Variants in NSD1 observed in about 807,000 individuals in gnomAD.
The protein encoded by NSD1 is histone-lysine N-methyltransferase, H3 lysine-36 specific.
A neutral mutation model predicts 242.7 loss-of-function variants in NSD1; 26 were observed. That is an observed-to-expected ratio of 0.11 (90% confidence interval 0.08 to 0.15). The LOEUF is 0.15. Among genes scored for constraint, NSD1 ranks in the 10% least tolerant of loss-of-function variants. NSD1 has a pLI of 1.00. For missense variants in NSD1, 2,495 were observed against 3,272.8 expected (o/e 0.76, Z 5.80); for synonymous variants, 1,106 against 1,178.1 (o/e 0.94, Z 1.25).
chr5:177,213,352 T>G (rs1017844711), intron 5 of NSD1, among the ~76,000 whole-genome samples: 5 of 152,272 alleles, frequency 3.3e-5, no homozygotes, highest in African/African-American at 1.2e-4. Flanking sequence ...CGTTTTTAAT[T>G]GAGTGGTTTG....
At chr5:177,264,589 A>G (rs943832113) in intron 14 of NSD1, among the ~76,000 whole-genome samples, 1 of 152,206 alleles carries the variant, frequency 6.6e-6, no homozygotes, top group Non-Finnish European at 1.5e-5. Context: ...GAGCTTCACT[A>G]TACAATACAG....
intron 8 of NSD1, 21 bp downstream of exon 8, chr5:177,239,886 C>T: frequency 6.9e-7 from 1 of 1,440,864 alleles, no homozygotes; most frequent in East Asian, 2.3e-5. Flanking sequence ...TTTGTAAGTT[C>T]TAAAAGAAAT....
In NSD1 at chr5:177,298,729, G is replaced by A. The variant is rs181962298; in HGVS notation, c.*3270G>A. 4 of 233,208 alleles carry A rather than the reference G, an allele frequency of 1.7e-5. No individual in the cohort carries two copies. The highest frequency in any genetic ancestry group is 6.0e-5 in the East Asian group (1 of 16,590). 14.4% of individuals were successfully genotyped at this position (233,208 alleles called of 1,614,324 possible). A position where few individuals can be genotyped will look rare whatever the true frequency, so the allele number is the denominator to read the frequency against. ...TCGGCACTGTCTGCTCACTGGAGCCGGACTCCCAGGTTGTAATTCTAATGT... is the reference window on the plus strand; with the variant it reads ...TCGGCACTGTCTGCTCACTGGAGCCAGACTCCCAGGTTGTAATTCTAATGT... On this transcript the variant is annotated 3_prime_UTR_variant, in exon 23 of 23. Transcript: ENST00000439151.
At chr5:177,287,848 T>A (rs1759458708) in intron 20 of NSD1, among the ~76,000 whole-genome samples, 4 of 152,166 alleles carry the variant, frequency 2.6e-5, no homozygotes, top group African/African-American at 9.7e-5. Flanking sequence ...TAGCTGCTGG[T>A]ATTGTGAACA....
In NSD1 at chr5:177,158,981, CAT is replaced by C. The variant is rs1410645049; in HGVS notation, c.927+22958_927+22959del. ...ATATATACACACACATATATACACA[CAT>C]ATATATGAATGATTTTATATATATA... is the stretch of plus-strand genomic sequence containing the variant. On this transcript the variant is annotated intron_variant, in intron 2 of 22. Transcript: ENST00000439151. Among the ~76,000 whole-genome samples the C allele has an allele frequency of 3.4e-3, 413 of 121,582 alleles. 4 individuals carry two copies. The highest frequency in any genetic ancestry group is 5.5e-3 in the African/African-American group (114 of 20,772). 79.8% of individuals were successfully genotyped at this position (121,582 alleles called of 152,430 possible). A position where few individuals can be genotyped will look rare whatever the true frequency, so the allele number is the denominator to read the frequency against.
intron 2 of NSD1, among the ~76,000 whole-genome samples, chr5:177,169,191 T>C (rs1759483046): frequency 6.6e-6 from 1 of 152,190 alleles, no homozygotes; most frequent in Non-Finnish European, 1.5e-5. Context: ...GTTTGGGAAG[T>C]GCTTTGGAGC....
Position 177,210,451 on chromosome 5 carries a change from A to C in NSD1, c.2052A>C (p.Ile684=). Residue 684 remains isoleucine, a synonymous_variant, in exon 5 of 23, where the codon ATA becomes ATC. Coordinates refer to ENST00000439151, the MANE Select transcript of NSD1 (RefSeq NM_022455.5). Reference sequence around the variant, plus strand: ...TATCTATGCAGAAAAATGAAAAGATAAAGTATTCTAGGTTTGCTGCCACAA... The same window carrying C: ...TATCTATGCAGAAAAATGAAAAGATCAAGTATTCTAGGTTTGCTGCCACAA... The part of the protein sequence containing the change: ...NMLSMQKNEK[I]KYSRFAATNT... The C allele has an allele frequency of 6.2e-7, 1 of 1,614,224 alleles. No homozygotes were observed. The highest frequency in any genetic ancestry group is 1.3e-5 in the African/African-American group (1 of 75,064).
chr5:177,198,719 C>T (rs896831103), intron 3 of NSD1, among the ~76,000 whole-genome samples: 3 of 152,132 alleles, frequency 2.0e-5, no homozygotes, highest in Non-Finnish European at 4.4e-5. Flanking sequence ...TCTTGAATGA[C>T]AGTCTTACTA....
At chr5:177,265,107 AAG>A in intron 14 of NSD1, 1 of 752,196 alleles carries the variant, frequency 1.3e-6, no homozygotes. Context: ...TGATCAGAAA[AAG>A]AAGCCAAAGA....
chr5:177,195,394 G>A (rs1022183231), intron 3 of NSD1, among the ~76,000 whole-genome samples: 2 of 152,032 alleles, frequency 1.3e-5, no homozygotes, highest in African/African-American at 4.8e-5. Context: ...AGAAAACTCT[G>A]AGTCCTTCTT....
At chr5:177,199,368 C>G (rs1581274316) in intron 3 of NSD1, among the ~76,000 whole-genome samples, 1 of 152,280 alleles carries the variant, frequency 6.6e-6, no homozygotes, top group African/African-American at 2.4e-5. Flanking sequence ...TGTGATTCTC[C>G]TGCCTCAGCC....
chr5:177,178,689 C>T (rs934163510), intron 2 of NSD1, among the ~76,000 whole-genome samples: 5 of 152,152 alleles, frequency 3.3e-5, no homozygotes, highest in Admixed American at 6.6e-5. Context: ...ACTGCATCCT[C>T]GACCTCCTCG....
At position 177,176,668 on chromosome 5, in the gene NSD1, A is replaced by G. The variant is rs556553601; in HGVS notation, c.928-15216A>G. ...TCTGCATTTACCAGAAATCTGTAAA[A>G]TCTGGTTATGTCATTACTTTTCCTG... On this transcript the variant is annotated intron_variant, in intron 2 of 22. Coordinates refer to ENST00000439151, the MANE Select transcript of NSD1 (RefSeq NM_022455.5). Among the ~76,000 whole-genome samples, 132 of 152,330 alleles carry G rather than the reference A, an allele frequency of 8.7e-4. No individual in the cohort carries two copies. In the South Asian group the frequency reaches 0.014, roughly 16 times the overall value.
At chr5:177,244,296 C>A in intron 9 of NSD1, 26 bp downstream of exon 9, 2 of 1,502,460 alleles carry the variant, frequency 1.3e-6, no homozygotes, top group Non-Finnish European at 1.9e-6. Flanking sequence ...ATTTAAAAAA[C>A]GTAATGCAGT....
At chr5:177,227,055 G>A (rs954891185) in intron 5 of NSD1, among the ~76,000 whole-genome samples, 10 of 152,122 alleles carry the variant, frequency 6.6e-5, no homozygotes, top group African/African-American at 2.4e-4. Context: ...AAAATATCCC[G>A]TTAGAGATAC....
rs121908068 is a variant in NSD1 at position 177,292,124 on chromosome 5, C to T, written c.6429C>T (p.His2143=). 1.4e-4 allele frequency: 218 copies of T among 1,614,184 alleles called. No individual in the cohort carries two copies. The highest frequency in any genetic ancestry group is 1.8e-4 in the East Asian group (8 of 44,888). The change falls in exon 22 of 23, where the codon CAC becomes CAT. Residue 2143 remains histidine, a synonymous_variant. Transcript: ENST00000439151. ...AACCAGGCTGCCCAAAAGTTTACCA[C>T]GCAGACTGTCTCAATCTGACCAAGC... ...CKKPGCPKVY[H]ADCLNLTKRP... is the part of the protein sequence containing the mutation.
chr5:177,286,660 C>A (rs959453449), intron 20 of NSD1, among the ~76,000 whole-genome samples: 1 of 152,124 alleles, frequency 6.6e-6, no homozygotes, highest in Non-Finnish European at 1.5e-5. Context: ...TGGAGAGGTT[C>A]CTCTATATTA....
intron 17 of NSD1, among the ~76,000 whole-genome samples, chr5:177,275,938 T>G (rs1301313632): frequency 6.6e-6 from 1 of 152,230 alleles, no homozygotes; most frequent in Non-Finnish European, 1.5e-5. Flanking sequence ...GTTTGTTCCT[T>G]TGAGACAGGG....
intron 20 of NSD1, 44 bp downstream of exon 20, chr5:177,283,972 G>A (rs766521093): frequency 3.1e-6 from 5 of 1,612,236 alleles, no homozygotes; most frequent in Non-Finnish European, 4.2e-6. Context: ...CTGAATTTCA[G>A]GGCTTTTGTT....
Sources: allele counts gnomAD v4.1 joint callset (sites outside exome capture counted in the v4.1 genomes callset), GRCh38; gene constraint gnomAD v4.1.1; transcripts MANE v1.5; gene names NCBI Gene and HGNC (gene_info 2026-07-23, HGNC 2026-07-21).